The following CMIP variants were observed in gnomAD, a reference collection of about 807,000 sequenced individuals.
The protein encoded by CMIP is C-Maf-inducing protein.
A neutral mutation model predicts 97.3 loss-of-function variants in CMIP; 13 were observed. That is an observed-to-expected ratio of 0.13 (90% CI 0.09 to 0.21). The LOEUF (loss-of-function observed/expected upper bound fraction) is 0.21. CMIP is among the 10% of genes least tolerant of loss of function. CMIP has a pLI of 1.00. For synonymous variants in CMIP, 538 were observed against 436.3 expected, an observed-to-expected ratio of 1.23 and a Z score of -2.91; for missense variants, 847 against 1,024.9, an observed-to-expected ratio of 0.83 and a Z score of 2.37.
In CMIP at chr16:81,571,297, C is replaced by T. The variant is rs2091083028; in HGVS notation, c.301-36270C>T. Among the ~76,000 whole-genome samples the T allele has an allele frequency of 2.0e-5, 3 of 151,312 alleles. No homozygotes were observed. The South Asian group carries it at 6.3e-4, about 32-fold the overall frequency. On this transcript the variant is annotated intron_variant, in intron 1 of 20. Transcript: ENST00000537098. ...CCAGCTTGGGCAACATAGTGAGACC[C>T]TGTCTCTAGCAAAACTAAAAAATTA...
At chr16:81,477,993 G>A (rs990282536) in intron 1 of CMIP, among the ~76,000 whole-genome samples, 4 of 152,348 alleles carry the variant, frequency 2.6e-5, no homozygotes, top group Admixed American at 1.3e-4. Context: ...AGAGCATCTG[G>A]GAAATGTAAG....
In CMIP at chr16:81,652,198, A is replaced by C. The variant is rs1284535768; in HGVS notation, c.478-5A>C. ...TGTTGCTGTCTCTTTATCTCTTTCAACCAGAAAAAGATTTACAAATATAAG... is the reference window on the plus strand; with the variant it reads ...TGTTGCTGTCTCTTTATCTCTTTCACCCAGAAAAAGATTTACAAATATAAG... On this transcript the variant is annotated splice_polypyrimidine_tract_variant and splice_region_variant and intron_variant, in intron 3 of 20. Coordinates refer to ENST00000537098, the MANE Select transcript of CMIP (RefSeq NM_198390.3). This position sits in a 1 kb window ranked among gnomAD's most constrained non-coding sequence, Gnocchi z 5.2. 6.2e-7 allele frequency: 1 copy of C among 1,609,480 alleles called. No individual in the cohort carries two copies. The highest frequency in any genetic ancestry group is 1.3e-5 in the African/African-American group (1 of 74,700).
intron 1 of CMIP, among the ~76,000 whole-genome samples, chr16:81,592,254 C>T (rs977562273): frequency 6.6e-6 from 1 of 152,194 alleles, no homozygotes. Context: ...CTTGGGCAGT[C>T]GAGGGCTATC....
intron 3 of CMIP, among the ~76,000 whole-genome samples, chr16:81,634,433 A>C (rs894591266): frequency 6.6e-6 from 1 of 152,162 alleles, no homozygotes; most frequent in Non-Finnish European, 1.5e-5. Context: ...TGGGTTTCTC[A>C]TAGCCTGAGA....
chr16:81,593,827 C>G (rs138950160), intron 1 of CMIP, among the ~76,000 whole-genome samples: 1 of 152,280 alleles, frequency 6.6e-6, no homozygotes, highest in Admixed American at 6.5e-5. Flanking sequence ...TCATAGTTAC[C>G]TGTATCAGAT....
intron 1 of CMIP, among the ~76,000 whole-genome samples, chr16:81,504,361 G>C (rs1044789373): frequency 1.3e-5 from 2 of 151,644 alleles, no homozygotes; most frequent in Admixed American, 1.3e-4. Context: ...TGGCCAGCGG[G>C]GCTGGGCACC....
At chr16:81,577,500 C>G (rs1292230843) in intron 1 of CMIP, among the ~76,000 whole-genome samples, 2 of 148,552 alleles carry the variant, frequency 1.3e-5, no homozygotes, top group East Asian at 3.9e-4. Flanking sequence ...CTATCACCAT[C>G]ATCACCATCA....
At chr16:81,591,442 G>GT in intron 1 of CMIP, among the ~76,000 whole-genome samples, 1 of 152,334 alleles carries the variant, frequency 6.6e-6, no homozygotes, top group East Asian at 1.9e-4. Flanking sequence ...CAGAGGCAGA[G>GT]TGCCCTTCTT....
At chr16:81,593,494 G>C (rs1271431985) in intron 1 of CMIP, among the ~76,000 whole-genome samples, 1 of 152,190 alleles carries the variant, frequency 6.6e-6, no homozygotes, top group Non-Finnish European at 1.5e-5. Flanking sequence ...ATGTGGAGCT[G>C]GTCGGTCACC....
At chr16:81,552,209 C>G (rs925013205) in intron 1 of CMIP, among the ~76,000 whole-genome samples, 18 of 152,296 alleles carry the variant, frequency 1.2e-4, no homozygotes, top group African/African-American at 4.3e-4. Flanking sequence ...AGCCAGAACT[C>G]TGTGCTCATT....
At chr16:81,544,395 C>T (rs1317174549) in intron 1 of CMIP, among the ~76,000 whole-genome samples, 1 of 152,134 alleles carries the variant, frequency 6.6e-6, no homozygotes, top group African/African-American at 2.4e-5. Flanking sequence ...GAAAGAATTA[C>T]TGATAGGACT....
At chr16:81,586,728 G>A (rs1270784124) in intron 1 of CMIP, among the ~76,000 whole-genome samples, 1 of 152,124 alleles carries the variant, frequency 6.6e-6, no homozygotes, top group Admixed American at 6.5e-5. Context: ...GGGCTCCTCT[G>A]CCTCCACACC....
chr16:81,685,816 A>C (rs1905322881), intron 10 of CMIP, among the ~76,000 whole-genome samples: 1 of 151,114 alleles, frequency 6.6e-6, no homozygotes, highest in Non-Finnish European at 1.5e-5. Flanking sequence ...CTCCCGCCTC[A>C]GCCTCCCAAA....
intron 1 of CMIP, among the ~76,000 whole-genome samples, chr16:81,581,287 G>A (rs7199293): frequency 0.38 from 58,495 of 152,074 alleles, 13,945 homozygotes; most frequent in Non-Finnish European, 0.52. Flanking sequence ...GATACGTTCC[G>A]GGAAGCGCGT....
chr16:81,617,200 G>A (rs2091930748), intron 2 of CMIP: 1 of 152,270 alleles, frequency 6.6e-6, no homozygotes, highest in African/African-American at 2.4e-5. Flanking sequence ...GGCCCTGCAG[G>A]TCCCTCAGGG....
At chr16:81,595,091 T>A (rs193110265) in intron 1 of CMIP, among the ~76,000 whole-genome samples, 71 of 151,992 alleles carry the variant, frequency 4.7e-4, no homozygotes, top group Non-Finnish European at 4.9e-4. Context: ...CAGACCATAG[T>A]TGACCACTGG....
chr16:81,613,746 C>G (rs56210556), intron 2 of CMIP, among the ~76,000 whole-genome samples: 1 of 152,124 alleles, frequency 6.6e-6, no homozygotes, highest in Admixed American at 6.5e-5. Flanking sequence ...GGACTTTCTT[C>G]GCTGAGCAGA....
intron 1 of CMIP, among the ~76,000 whole-genome samples, chr16:81,466,879 A>G (rs1907236778): frequency 6.6e-6 from 1 of 152,244 alleles, no homozygotes. Flanking sequence ...TTAGAAAGCC[A>G]AAGTTCAGTT....
At chr16:81,563,714 C>A (rs191004635) in intron 1 of CMIP, among the ~76,000 whole-genome samples, 9 of 152,158 alleles carry the variant, frequency 5.9e-5, no homozygotes, top group Non-Finnish European at 1.3e-4. Flanking sequence ...AATCTTGGGC[C>A]GTCTCTCCTA....
Sources: allele counts gnomAD v4.1 joint callset (sites outside exome capture counted in the v4.1 genomes callset), GRCh38; gene constraint gnomAD v4.1.1; non-coding constraint Gnocchi (gnomAD v3.1); transcripts MANE v1.5; gene names NCBI Gene and HGNC (gene_info 2026-07-23, HGNC 2026-07-21).